The following CAPZB variants were observed in gnomAD, a reference collection of about 807,000 sequenced individuals.
CAPZB encodes capping actin protein of muscle Z-line subunit beta.
CAPZB carries 2 observed loss-of-function variants against 38.1 expected under a neutral mutation model. That is an observed-to-expected ratio of 0.05 (90% confidence interval 0.02 to 0.17). The LOEUF (loss-of-function observed/expected upper bound fraction) is 0.17, where lower values mean the gene tolerates loss of function less well. Among genes scored for constraint, CAPZB ranks in the 10% least tolerant of loss-of-function variants. The pLI is 1.00. For synonymous variants in CAPZB, 107 were observed against 127.4 expected (o/e 0.84, Z 1.08); for missense variants, 161 against 334.2 (o/e 0.48, Z 4.04).
rs913685361 is a variant in CAPZB, at chr1:19,356,820, A to G, written c.472-69T>C. ...GAAGTGGCCCCTGGAATTCAGGGTC[A>G]TCCTAACATCTCCCTTCCTAGGTCA... On this transcript the variant is annotated intron_variant, in intron 5 of 8. Coordinates refer to ENST00000264202, the MANE Select transcript of CAPZB (RefSeq NM_004930.5). This position sits in a 1 kb window ranked among gnomAD's most constrained non-coding sequence, Gnocchi z 4.3. The G allele has an allele frequency of 6.6e-6, 6 of 909,160 alleles. No homozygotes were observed. Among genetic ancestry groups the G allele is most frequent in the African/African-American group, 3.3e-5 (2 of 60,528 alleles). 56.3% of individuals were successfully genotyped at this position (909,160 alleles called of 1,614,324 possible). A position where few individuals can be genotyped will look rare whatever the true frequency, so the allele number is the denominator to read the frequency against.
intron 4 of CAPZB, among the ~76,000 whole-genome samples, chr1:19,376,216 G>T (rs2094143705): frequency 6.6e-6 from 1 of 152,174 alleles, no homozygotes; most frequent in African/African-American, 2.4e-5. Context: ...AGAACAGAAG[G>T]GGTGAGGCCA....
At chr1:19,388,164 A>ACTC (rs1415875116) in intron 2 of CAPZB, among the ~76,000 whole-genome samples, 2 of 152,144 alleles carry the variant, frequency 1.3e-5, no homozygotes, top group Non-Finnish European at 2.9e-5. Flanking sequence ...GCTTGACTCT[A>ACTC]CTCCTATCCA....
At chr1:19,436,211 G>A (rs1245576247) in intron 1 of CAPZB, among the ~76,000 whole-genome samples, 2 of 152,218 alleles carry the variant, frequency 1.3e-5, no homozygotes, top group Non-Finnish European at 2.9e-5. Context: ...CGTTCTGCGT[G>A]ATGAAATCTC....
chr1:19,447,340 C>T (rs2094499831), intron 1 of CAPZB, among the ~76,000 whole-genome samples: 1 of 135,980 alleles, frequency 7.4e-6, no homozygotes. Flanking sequence ...CTGTCTCAGC[C>T]TCCTGAGCAG....
chr1:19,376,571 C>T (rs1034840779), intron 4 of CAPZB, among the ~76,000 whole-genome samples: 1 of 152,206 alleles, frequency 6.6e-6, no homozygotes, highest in African/African-American at 2.4e-5. Flanking sequence ...CACAACCAGC[C>T]CCCCTGCCTG....
intron 1 of CAPZB, among the ~76,000 whole-genome samples, chr1:19,423,632 C>T (rs1381052701): frequency 6.6e-6 from 1 of 150,390 alleles, no homozygotes; most frequent in African/African-American, 2.5e-5. Flanking sequence ...TCAAGCTATC[C>T]TCCCATCTCA....
chr1:19,478,289 A>C (rs2094614064), intron 1 of CAPZB, among the ~76,000 whole-genome samples: 2 of 152,194 alleles, frequency 1.3e-5, no homozygotes, highest in African/African-American at 4.8e-5. Context: ...GTTAAATGAA[A>C]CACCACCTAT....
At chr1:19,405,809 G>T (rs984094972) in intron 2 of CAPZB, among the ~76,000 whole-genome samples, 1 of 152,150 alleles carries the variant, frequency 6.6e-6, no homozygotes, top group African/African-American at 2.4e-5. Context: ...CACTCCCGCC[G>T]CCACCATCTG....
chr1:19,477,724 T>C (rs985769438), intron 1 of CAPZB, among the ~76,000 whole-genome samples: 1 of 152,276 alleles, frequency 6.6e-6, no homozygotes, highest in East Asian at 1.9e-4. Context: ...CTCCAGCAGA[T>C]AGGGTGCAAT....
intron 1 of CAPZB, among the ~76,000 whole-genome samples, chr1:19,442,351 C>T (rs7519931): frequency 0.94 from 142,866 of 151,966 alleles, 67,399 homozygotes; most frequent in East Asian, 0.99. Context: ...AGTGGGGGGG[C>T]GTGGAGTGAG....
Position 19,356,690 on chromosome 1 carries a change from T to C in CAPZB, c.533A>G (p.Gln178Arg). 1 of 1,614,140 alleles carries C rather than the reference T, an allele frequency of 6.2e-7. No homozygotes were observed. Among genetic ancestry groups the C allele is most frequent in the Non-Finnish European group, 8.5e-7 (1 of 1,179,998 alleles). ...KLTSTVMLWLQTNKSGSGTMN... is the reference protein window; with the variant it reads ...KLTSTVMLWLRTNKSGSGTMN... ...GGTGCCAGAGCCAGATTTGTTGGTC[T>C]GCAGCCACAGCATCACCGTGGAGGT... Residue 178 changes from glutamine to arginine, a missense_variant, in exon 6 of 9, where the codon CAG becomes CGG. Gln to Arg is a conservative substitution (Grantham distance 43). Coordinates refer to ENST00000264202, the MANE Select transcript of CAPZB (RefSeq NM_004930.5). The surrounding 1 kb of genome is among the most constrained non-coding windows in gnomAD (Gnocchi z 4.3).
intron 1 of CAPZB, among the ~76,000 whole-genome samples, chr1:19,482,486 C>CTTATGATGA (rs1213215454): frequency 4.6e-5 from 7 of 152,346 alleles, no homozygotes; most frequent in African/African-American, 1.4e-4. Flanking sequence ...CTGCTAAAGC[C>CTTATGATGA]TCACCATCAT....
chr1:19,343,633 A>G (rs1022622494), intron 8 of CAPZB, among the ~76,000 whole-genome samples: 6 of 152,204 alleles, frequency 3.9e-5, no homozygotes, highest in Non-Finnish European at 7.4e-5. Context: ...CTCCAAGGCC[A>G]GTGCTCCCTC....
intron 1 of CAPZB, among the ~76,000 whole-genome samples, chr1:19,421,504 A>G (rs1485254048): frequency 6.6e-6 from 1 of 152,246 alleles, no homozygotes; most frequent in East Asian, 1.9e-4. Flanking sequence ...GAAAAACACC[A>G]CACCAGAAAT....
chr1:19,339,235 C>A lies in CAPZB; in HGVS notation c.*295G>T. The stretch of plus-strand genomic sequence containing the variant: ...AGGCTGGCAGACAGTGGATTTTATG[C>A]CTATAAATGGGGGGACAGGGAGGAA... On this transcript the variant is annotated 3_prime_UTR_variant, in exon 9 of 9. Transcript: ENST00000264202. The A allele has an allele frequency of 7.5e-6, 3 of 400,890 alleles. No homozygotes were observed. The highest frequency in any genetic ancestry group is 4.6e-5 in the East Asian group (1 of 21,924). 24.8% of individuals were successfully genotyped at this position (400,890 alleles called of 1,614,324 possible). A position where few individuals can be genotyped will look rare whatever the true frequency, so the allele number is the denominator to read the frequency against.
At chr1:19,462,235 G>A (rs1480714151) in intron 1 of CAPZB, among the ~76,000 whole-genome samples, 1 of 151,790 alleles carries the variant, frequency 6.6e-6, no homozygotes, top group Non-Finnish European at 1.5e-5. Context: ...GGTGGATCAC[G>A]AGGTCAGGAG....
intron 1 of CAPZB, among the ~76,000 whole-genome samples, chr1:19,455,058 C>T (rs2094528714): frequency 6.6e-6 from 1 of 152,210 alleles, no homozygotes; most frequent in African/African-American, 2.4e-5. Flanking sequence ...GCGGAGGGCC[C>T]GGAGGGCTTG....
At chr1:19,450,837 T>C (rs1424220648) in intron 1 of CAPZB, among the ~76,000 whole-genome samples, 1 of 152,174 alleles carries the variant, frequency 6.6e-6, no homozygotes, top group Non-Finnish European at 1.5e-5. Flanking sequence ...CAGACACATA[T>C]ACCACATTTG....
chr1:19,475,674 A>G (rs2094604355), intron 1 of CAPZB, among the ~76,000 whole-genome samples: 1 of 152,238 alleles, frequency 6.6e-6, no homozygotes, highest in African/African-American at 2.4e-5. Flanking sequence ...AGATCTGGAC[A>G]TGGCTAGTCT....
Sources: gnomAD v4.1 joint callset for allele counts (sites outside exome capture counted in the v4.1 genomes callset) on GRCh38, gnomAD v4.1.1 for gene constraint, Gnocchi (gnomAD v3.1) non-coding constraint, MANE v1.5 for transcripts, NCBI Gene and HGNC (gene_info 2026-07-23, HGNC 2026-07-21) for gene names.